EFNB3: variants seen among roughly 807,000 people sequenced by gnomAD.
EFNB3 encodes the protein ephrin B3.
EFNB3 carries 14 observed loss-of-function variants against 29.8 expected under a neutral mutation model. The ratio of observed to expected loss-of-function variants is 0.47; its 90% CI spans 0.31 to 0.73. The LOEUF is 0.73. Among genes scored for constraint, EFNB3 ranks in the 30% least tolerant of loss-of-function variants. The pLI is 0.05. For synonymous variants in EFNB3, 216 were observed against 191.6 expected (o/e 1.13, Z -1.05); for missense variants, 408 against 458.0 (o/e 0.89, Z 1.00).
Position 7,709,096 on chromosome 17 carries a change from TGGGTGTCC to T in EFNB3, c.614-70_614-63del. 1 of 1,483,086 alleles carries T rather than the reference TGGGTGTCC, an allele frequency of 6.7e-7. No homozygotes were observed. Among genetic ancestry groups the T allele is most frequent in the South Asian group, 1.2e-5 (1 of 85,474 alleles). The allele number at this position is 1,483,086 out of a possible 1,614,324, so 91.9% of individuals were successfully genotyped here. On this transcript the variant is annotated intron_variant, in intron 4 of 4. Transcript: ENST00000226091. The surrounding 1 kb of genome is among the most constrained non-coding windows in gnomAD (Gnocchi z 4.5). ...GGAAGCCCATGGGGACCCCCAGGGT[TGGGTGTCC>T]AGGTGCCCAGGTGGCTCCTTCAGTC...
chr17:7,705,667 G>T lies in EFNB3; in HGVS notation c.69G>T (p.Gly23=). Residue 23 remains glycine (G), a synonymous_variant, in exon 1 of 5, where the codon GGG becomes GGT. Coordinates refer to ENST00000226091, the MANE Select transcript of EFNB3 (RefSeq NM_001406.4). The surrounding 1 kb of genome is among the most constrained non-coding windows in gnomAD (Gnocchi z 5.4). ...CCCTGCTGCTGCTGGGGGTTTTGGG[G>T]CTGGTGTCTGGGCTCAGCCTGGAGC... ...VGALLLLGVL[G]LVSGLSLEPV... 6.5e-7 allele frequency: 1 copy of T among 1,532,848 alleles called. No homozygotes were observed. The highest frequency in any genetic ancestry group is 8.7e-7 in the Non-Finnish European group (1 of 1,152,078). The allele number at this position is 1,532,848 out of a possible 1,614,324, so 95.0% of individuals were successfully genotyped here.
Position 7,705,551 on chromosome 17 carries a change from GC to G in EFNB3, c.-47del. 2 of 1,185,924 alleles carry G rather than the reference GC, an allele frequency of 1.7e-6. No homozygotes were observed. The highest frequency in any genetic ancestry group is 2.3e-6 in the Non-Finnish European group (2 of 886,680). 73.5% of individuals were successfully genotyped at this position (1,185,924 alleles called of 1,614,324 possible). On this transcript the variant is annotated 5_prime_UTR_variant, in exon 1 of 5. Coordinates refer to ENST00000226091, the MANE Select transcript of EFNB3 (RefSeq NM_001406.4). The surrounding 1 kb of genome is among the most constrained non-coding windows in gnomAD (Gnocchi z 5.4). ...CCAAGGCAGCCACCCCGGGGGGTGG[GC>G]GACTTTGGGGGAGTTGGTGCCCCGC...
rs747312013 is a variant in EFNB3 at position 7,708,040 on chromosome 17, G to A, written c.205G>A (p.Gly69Ser). 1 of 1,614,008 alleles carries A rather than the reference G, an allele frequency of 6.2e-7. No homozygotes were observed. Among genetic ancestry groups the A allele is most frequent in the South Asian group, 1.1e-5 (1 of 91,078 alleles). ...GCTCTGCCCCCGGGCCCGGCCTCCTGGCCCTCACTCCTCTCCTAATTATGA... is the reference window on the plus strand; with the variant it reads ...GCTCTGCCCCCGGGCCCGGCCTCCTAGCCCTCACTCCTCTCCTAATTATGA... The part of the protein sequence containing the change: ...DLLCPRARPP[G>S]PHSSPNYEFY... Residue 69 changes from glycine to serine, a missense_variant, in exon 2 of 5, where the codon GGC becomes AGC. Gly to Ser is a moderately conservative substitution (Grantham distance 56). This residue lies in a region of EFNB3 where 128 missense variants were observed against 140.8 expected (regional missense o/e 0.91). Transcript: ENST00000226091. This position sits in a 1 kb window ranked among gnomAD's most constrained non-coding sequence, Gnocchi z 6.8.
chr17:7,708,713 T>C lies in EFNB3; in HGVS notation c.587T>C (p.Leu196Pro), dbSNP rs866514252. The stretch of plus-strand genomic sequence containing the variant: ...AGAGACCGAGGGGCAGCCCACAGCC[T>C]GGAGCCTGGGAAGGAGAACCTGCCA... The part of the protein sequence containing the change: ...MERDRGAAHS[L>P]EPGKENLPGD... The change falls in exon 4 of 5, where the codon CTG becomes CCG. Residue 196 changes from leucine to proline, a missense_variant. Physicochemically the swap from Leu to Pro is moderately conservative, Grantham distance 98. Around this residue, in one of 3 missense-constraint regions of EFNB3, gnomAD observed 233 missense variants for 230.7 expected, o/e 1.01. Coordinates refer to ENST00000226091, the MANE Select transcript of EFNB3 (RefSeq NM_001406.4). This position sits in a 1 kb window ranked among gnomAD's most constrained non-coding sequence, Gnocchi z 6.8. 6.4e-7 allele frequency: 1 copy of C among 1,571,028 alleles called. No individual in the cohort carries two copies. Among genetic ancestry groups the C allele is most frequent in the Non-Finnish European group, 8.6e-7 (1 of 1,157,382 alleles).
Position 7,708,754 on chromosome 17 carries a change from C to A in EFNB3, c.613+15C>A. ...GAACCTGCCAGGTAGGAACCAGGGG[C>A]TAGGCCCCTGCCTTCCCCAGCTTCC... is the stretch of plus-strand genomic sequence containing the variant. On this transcript the variant is annotated intron_variant, in intron 4 of 4. Coordinates refer to ENST00000226091, the MANE Select transcript of EFNB3 (RefSeq NM_001406.4). This position sits in a 1 kb window ranked among gnomAD's most constrained non-coding sequence, Gnocchi z 6.8. The A allele has an allele frequency of 1.3e-6, 2 of 1,534,708 alleles. No homozygotes were observed. The highest frequency in any genetic ancestry group is 1.8e-6 in the Non-Finnish European group (2 of 1,139,276).
Position 7,705,621 on chromosome 17 carries a change from C to T in EFNB3, c.23C>T (p.Pro8Leu), listed in dbSNP as rs751850925. The change falls in exon 1 of 5, where the codon CCG becomes CTG. Residue 8 changes from proline (P) to leucine (L), a missense_variant. Coordinates refer to ENST00000226091, the MANE Select transcript of EFNB3 (RefSeq NM_001406.4). The surrounding 1 kb of genome is among the most constrained non-coding windows in gnomAD (Gnocchi z 5.4). The stretch of plus-strand genomic sequence containing the variant: ...GTCATGGGGCCCCCCCATTCTGGGC[C>T]GGGGGGCGTGCGAGTCGGGGCCCTG... MGPPHSG[P>L]GGVRVGALLL... The T allele has an allele frequency of 1.3e-6, 2 of 1,501,710 alleles. No individual in the cohort carries two copies. Among genetic ancestry groups the T allele is most frequent in the Non-Finnish European group, 1.8e-6 (2 of 1,139,236 alleles). 93.0% of individuals were successfully genotyped at this position (1,501,710 alleles called of 1,614,324 possible).
chr17:7,707,383 C>T (rs2074330917), intron 1 of EFNB3, among the ~76,000 whole-genome samples: 1 of 152,184 alleles, frequency 6.6e-6, no homozygotes, highest in Non-Finnish European at 1.5e-5. Flanking sequence ...CCCATCAGCC[C>T]CAATGATGGT....
rs763668418 is a variant in EFNB3 at position 7,708,430 on chromosome 17, C to T, written c.416-5C>T. The T allele has an allele frequency of 1.2e-6, 2 of 1,611,466 alleles. No individual in the cohort carries two copies. Among genetic ancestry groups the T allele is most frequent in the Non-Finnish European group, 1.7e-6 (2 of 1,178,828 alleles). ...CAACCTCTTCCTCTGGCTTTTCTCT[C>T]CCAGCCACATCGGATGGGACCCGGG... On this transcript the variant is annotated splice_region_variant and splice_polypyrimidine_tract_variant and intron_variant, in intron 2 of 4. Coordinates refer to ENST00000226091, the MANE Select transcript of EFNB3 (RefSeq NM_001406.4). This position sits in a 1 kb window ranked among gnomAD's most constrained non-coding sequence, Gnocchi z 6.8.
In EFNB3 at chr17:7,709,052, G is replaced by T; in HGVS notation, c.614-115G>T. ...GGGGGAGGAGAGATGGGGTCCCCAAGGGGCCTGGGCGCTACAAGGGAAGCC... is the reference window on the plus strand; with the variant it reads ...GGGGGAGGAGAGATGGGGTCCCCAATGGGCCTGGGCGCTACAAGGGAAGCC... On this transcript the variant is annotated intron_variant, in intron 4 of 4. Coordinates refer to ENST00000226091, the MANE Select transcript of EFNB3 (RefSeq NM_001406.4). The surrounding 1 kb of genome is among the most constrained non-coding windows in gnomAD (Gnocchi z 4.5). 1 of 1,106,646 alleles carries T rather than the reference G, an allele frequency of 9.0e-7. No homozygotes were observed. 68.6% of individuals were successfully genotyped at this position (1,106,646 alleles called of 1,614,324 possible). A position where few individuals can be genotyped will look rare whatever the true frequency, so the allele number is the denominator to read the frequency against.
Position 7,705,558 on chromosome 17 carries a change from TGG to T in EFNB3, c.-37_-36del. 2 of 1,230,502 alleles carry T rather than the reference TGG, an allele frequency of 1.6e-6. No homozygotes were observed. The highest frequency in any genetic ancestry group is 2.2e-6 in the Non-Finnish European group (2 of 922,562). 76.2% of individuals were successfully genotyped at this position (1,230,502 alleles called of 1,614,324 possible). ...AGCCACCCCGGGGGGTGGGCGACTT[TGG>T]GGGAGTTGGTGCCCCGCCCCCCAGG... On this transcript the variant is annotated 5_prime_UTR_variant, in exon 1 of 5. Coordinates refer to ENST00000226091, the MANE Select transcript of EFNB3 (RefSeq NM_001406.4). This position sits in a 1 kb window ranked among gnomAD's most constrained non-coding sequence, Gnocchi z 5.4.
At position 7,711,310 on chromosome 17, in the gene EFNB3, G is replaced by A. The variant is rs1164608280; in HGVS notation, c.*1734G>A. Reference sequence around the variant, plus strand: ...ATGCCGTCACCTCAGTAGTTTTACTGTAAAAGGGAAATTTGAACAACAAAA... The same window carrying A: ...ATGCCGTCACCTCAGTAGTTTTACTATAAAAGGGAAATTTGAACAACAAAA... On this transcript the variant is annotated 3_prime_UTR_variant, in exon 5 of 5. Transcript: ENST00000226091. 2 of 152,590 alleles carry A rather than the reference G, an allele frequency of 1.3e-5. No homozygotes were observed. Among genetic ancestry groups the A allele is most frequent in the African/African-American group, 4.8e-5 (2 of 41,432 alleles). The allele number at this position is 152,590 out of a possible 1,614,324, so 9.5% of individuals were successfully genotyped here.
rs1597428455 is a variant in EFNB3, at chr17:7,711,289, C to G, written c.*1713C>G. 6.6e-6 allele frequency: 1 copy of G among 152,452 alleles called. No homozygotes were observed. Among genetic ancestry groups the G allele is most frequent in the Non-Finnish European group, 1.5e-5 (1 of 68,006 alleles). The allele number at this position is 152,452 out of a possible 1,614,324, so 9.4% of individuals were successfully genotyped here. On this transcript the variant is annotated 3_prime_UTR_variant, in exon 5 of 5. Transcript: ENST00000226091. ...ATATTGCCATGGTGGCGGGGTATGC[C>G]GTCACCTCAGTAGTTTTACTGTAAA...
rs528034465 is a variant in EFNB3 at position 7,709,453 on chromosome 17, C to A, written c.900C>A (p.Gly300=). The change falls in exon 5 of 5, where the codon GGC becomes GGA. Residue 300 remains glycine, a synonymous_variant. Coordinates refer to ENST00000226091, the MANE Select transcript of EFNB3 (RefSeq NM_001406.4). This position sits in a 1 kb window ranked among gnomAD's most constrained non-coding sequence, Gnocchi z 4.5. ...PGELGIALRG[G]GAADPPFCPH... The stretch of plus-strand genomic sequence containing the variant: ...AGCTAGGGATAGCTCTGCGGGGTGG[C>A]GGGGCTGCAGATCCCCCCTTCTGCC... 2 of 1,613,184 alleles carry A rather than the reference C, an allele frequency of 1.2e-6. No homozygotes were observed. The highest frequency in any genetic ancestry group is 1.3e-5 in the African/African-American group (1 of 74,802).
intron 1 of EFNB3, among the ~76,000 whole-genome samples, chr17:7,706,091 T>G (rs77455830): frequency 6.6e-6 from 1 of 150,558 alleles, no homozygotes; most frequent in Non-Finnish European, 1.5e-5. Context: ...GATTAGGTGC[T>G]GCGAGTCGCT....
Position 7,709,071 on chromosome 17 carries a change from G to C in EFNB3, c.614-96G>C. 1 of 1,265,320 alleles carries C rather than the reference G, an allele frequency of 7.9e-7. No homozygotes were observed. Among genetic ancestry groups the C allele is most frequent in the Non-Finnish European group, 1.1e-6 (1 of 900,494 alleles). The allele number at this position is 1,265,320 out of a possible 1,614,324, so 78.4% of individuals were successfully genotyped here. A position where few individuals can be genotyped will look rare whatever the true frequency, so the allele number is the denominator to read the frequency against. ...CCCCAAGGGGCCTGGGCGCTACAAG[G>C]GAAGCCCATGGGGACCCCCAGGGTT... is the stretch of plus-strand genomic sequence containing the variant. On this transcript the variant is annotated intron_variant, in intron 4 of 4. Coordinates refer to ENST00000226091, the MANE Select transcript of EFNB3 (RefSeq NM_001406.4). The surrounding 1 kb of genome is among the most constrained non-coding windows in gnomAD (Gnocchi z 4.5).
rs1219986130 is a variant in EFNB3, at chr17:7,709,652, A to G, written c.*76A>G. 6.5e-7 allele frequency: 1 copy of G among 1,541,364 alleles called. No homozygotes were observed. Among genetic ancestry groups the G allele is most frequent in the Non-Finnish European group, 8.9e-7 (1 of 1,123,854 alleles). ...TCCAGTTTAATTCCTGGTTTGAGGGACACCTCTAACATCTCGGCCCCCTGT... is the reference window on the plus strand; with the variant it reads ...TCCAGTTTAATTCCTGGTTTGAGGGGCACCTCTAACATCTCGGCCCCCTGT... On this transcript the variant is annotated 3_prime_UTR_variant, in exon 5 of 5. Coordinates refer to ENST00000226091, the MANE Select transcript of EFNB3 (RefSeq NM_001406.4). The surrounding 1 kb of genome is among the most constrained non-coding windows in gnomAD (Gnocchi z 4.5).
At chr17:7,707,905 G>A (rs2074332752) in intron 1 of EFNB3, 53 bp from the exon 2 acceptor site, 1 of 1,537,990 alleles carries the variant, frequency 6.5e-7, no homozygotes, top group East Asian at 2.3e-5. Flanking sequence ...GAAAGTTCTG[G>A]GGGCCAGGCC....
rs766797412 is a variant in EFNB3, at chr17:7,709,291, G to A, written c.738G>A (p.Gly246=). 5.7e-6 allele frequency: 9 copies of A among 1,581,072 alleles called. No homozygotes were observed. The highest frequency in any genetic ancestry group is 1.1e-5 in the South Asian group (1 of 87,646). Residue 246 remains glycine, a synonymous_variant, in exon 5 of 5, where the codon GGG becomes GGA. Coordinates refer to ENST00000226091, the MANE Select transcript of EFNB3 (RefSeq NM_001406.4). This position sits in a 1 kb window ranked among gnomAD's most constrained non-coding sequence, Gnocchi z 4.5. ...ALLLLGVAGA[G]GAMCWRRRRA... ...TCTTGCTGGGCGTGGCAGGGGCTGG[G>A]GGTGCCATGTGTTGGCGGAGACGGC...
In EFNB3 at chr17:7,709,422, C is replaced by T; in HGVS notation, c.869C>T (p.Pro290Leu). The T allele has an allele frequency of 6.2e-7, 1 of 1,610,858 alleles. No individual in the cohort carries two copies. The highest frequency in any genetic ancestry group is 8.5e-7 in the Non-Finnish European group (1 of 1,178,044). ...GGGATGGGACCTCGGGAGGCTGAGCCTGGGGAGCTAGGGATAGCTCTGCGG... is the reference window on the plus strand; with the variant it reads ...GGGATGGGACCTCGGGAGGCTGAGCTTGGGGAGCTAGGGATAGCTCTGCGG... ...GGGMGPREAEPGELGIALRGG... is the reference protein window; with the variant it reads ...GGGMGPREAELGELGIALRGG... Residue 290 changes from proline (P) to leucine (L), a missense_variant, in exon 5 of 5, where the codon CCT becomes CTT. Physicochemically the swap from Pro to Leu is moderately conservative, Grantham distance 98. Coordinates refer to ENST00000226091, the MANE Select transcript of EFNB3 (RefSeq NM_001406.4). The surrounding 1 kb of genome is among the most constrained non-coding windows in gnomAD (Gnocchi z 4.5).
Sources: allele counts gnomAD v4.1 joint callset (sites outside exome capture counted in the v4.1 genomes callset), GRCh38; gene constraint gnomAD v4.1.1; regional missense constraint gnomAD v4.1.1; non-coding constraint Gnocchi (gnomAD v3.1); transcripts MANE v1.5; gene names NCBI Gene and HGNC (gene_info 2026-07-23, HGNC 2026-07-21).